COP1: variants seen among roughly 807,000 people sequenced by gnomAD.
COP1 encodes E3 ubiquitin-protein ligase COP1.
Under a neutral mutation model 101.3 loss-of-function variants are expected in COP1, and 24 were observed. The observed-to-expected ratio is 0.24, with a 90% CI of 0.17 to 0.33. The LOEUF (loss-of-function observed/expected upper bound fraction) is 0.33, where lower values mean the gene tolerates loss of function less well. Ranked by LOEUF, COP1 falls within the 10% of genes least tolerant of loss-of-function variation. COP1 has a pLI of 1.00. For missense variants in COP1, 663 were observed against 906.2 expected, an observed-to-expected ratio of 0.73 and a Z score of 3.45; for synonymous variants, 347 against 341.9, an observed-to-expected ratio of 1.01 and a Z score of -0.17.
In COP1 at chr1:176,135,099, T is replaced by G. The variant is rs1326488583; in HGVS notation, c.892-13A>C. 6.6e-7 allele frequency: 1 copy of G among 1,518,356 alleles called. No individual in the cohort carries two copies. Among genetic ancestry groups the G allele is most frequent in the Non-Finnish European group, 9.1e-7 (1 of 1,096,126 alleles). 94.1% of individuals were successfully genotyped at this position (1,518,356 alleles called of 1,614,324 possible). A position where few individuals can be genotyped will look rare whatever the true frequency, so the allele number is the denominator to read the frequency against. Reference sequence around the variant, plus strand: ...AGCCACTCATTTCCTGAAAATAAAATTATTTGAATTATAGTAGATATTTCA... The same window carrying G: ...AGCCACTCATTTCCTGAAAATAAAAGTATTTGAATTATAGTAGATATTTCA... On this transcript the variant is annotated splice_polypyrimidine_tract_variant and intron_variant, in intron 7 of 19. Coordinates refer to ENST00000367669, the MANE Select transcript of COP1 (RefSeq NM_022457.7).
At chr1:176,072,675 C>CTCTA (rs1677214517) in intron 11 of COP1, among the ~76,000 whole-genome samples, 1 of 152,156 alleles carries the variant, frequency 6.6e-6, no homozygotes, top group Non-Finnish European at 1.5e-5. Flanking sequence ...CTCACAAGCA[C>CTCTA]TCTACAATAA....
Position 176,048,510 on chromosome 1 carries a change from A to G in COP1, c.1278-2186T>C, listed in dbSNP as rs115873982. 4.5e-3 allele frequency among the ~76,000 whole-genome samples: 692 copies of G among 152,322 alleles called. 5 individuals carry two copies. The highest frequency in any genetic ancestry group is 0.015 in the African/African-American group (636 of 41,572). On this transcript the variant is annotated intron_variant, in intron 11 of 19. Coordinates refer to ENST00000367669, the MANE Select transcript of COP1 (RefSeq NM_022457.7). ...GCTGCCATGTGGATTTTAATGCACC[A>G]TAACTATAATGATGACAACTATTCA...
chr1:176,203,509 G>A (rs953778069), intron 1 of COP1, among the ~76,000 whole-genome samples: 8 of 152,084 alleles, frequency 5.3e-5, no homozygotes, highest in African/African-American at 1.9e-4. Flanking sequence ...AAAGGAGTCC[G>A]TATAAAAAAC....
chr1:175,997,302 A>G (rs1660414324), intron 15 of COP1, among the ~76,000 whole-genome samples: 2 of 152,228 alleles, frequency 1.3e-5, no homozygotes, highest in South Asian at 4.1e-4. Context: ...ACCCTAGAAG[A>G]AAACCTAGGC....
At chr1:176,094,930 CA>C (rs1364341417) in intron 9 of COP1, among the ~76,000 whole-genome samples, 1 of 152,046 alleles carries the variant, frequency 6.6e-6, no homozygotes, top group Non-Finnish European at 1.5e-5. Context: ...ATGAGATCTT[CA>C]AAAGACTAAT....
chr1:176,085,419 T>A (rs950209756), intron 10 of COP1, among the ~76,000 whole-genome samples: 1 of 152,210 alleles, frequency 6.6e-6, no homozygotes, highest in Non-Finnish European at 1.5e-5. Context: ...AGTTCTTTCA[T>A]CTTTTTATTC....
intron 18 of COP1, among the ~76,000 whole-genome samples, chr1:175,957,795 T>G (rs1650862595): frequency 6.6e-6 from 1 of 152,180 alleles, no homozygotes; most frequent in Non-Finnish European, 1.5e-5. Context: ...TATTAAAGAT[T>G]GGTGAATAGA....
rs1235140355 is a variant in COP1, at chr1:176,027,556, T to G, written c.1729+16A>C. ...AACCAACATCAAAGGAAGACAAATC[T>G]GCTTTCATTTCTTACCTGCACAGCC... On this transcript the variant is annotated intron_variant, in intron 15 of 19. Transcript: ENST00000367669. 2.1e-6 allele frequency: 3 copies of G among 1,451,890 alleles called. No homozygotes were observed. In the East Asian group the frequency reaches 6.8e-5, roughly 33 times the overall value. The allele number at this position is 1,451,890 out of a possible 1,614,324, so 89.9% of individuals were successfully genotyped here.
rs1248865863 is a variant in COP1, at chr1:176,135,104, T to G, written c.892-18A>C. ...CTCATTTCCTGAAAATAAAATTATTTGAATTATAGTAGATATTTCAAATAG... is the reference window on the plus strand; with the variant it reads ...CTCATTTCCTGAAAATAAAATTATTGGAATTATAGTAGATATTTCAAATAG... On this transcript the variant is annotated intron_variant, in intron 7 of 19. Coordinates refer to ENST00000367669, the MANE Select transcript of COP1 (RefSeq NM_022457.7). 6.7e-7 allele frequency: 1 copy of G among 1,483,876 alleles called. No homozygotes were observed. The highest frequency in any genetic ancestry group is 1.4e-5 in the African/African-American group (1 of 72,126). 91.9% of individuals were successfully genotyped at this position (1,483,876 alleles called of 1,614,324 possible). A position where few individuals can be genotyped will look rare whatever the true frequency, so the allele number is the denominator to read the frequency against.
intron 14 of COP1, among the ~76,000 whole-genome samples, chr1:176,033,389 T>A (rs2149106964): frequency 1.3e-5 from 2 of 152,226 alleles, no homozygotes; most frequent in Middle Eastern, 3.4e-3. Context: ...ATCGTGCCAT[T>A]GCACTCCAGC....
chr1:176,069,518 G>A (rs575265756), intron 11 of COP1, among the ~76,000 whole-genome samples: 16 of 152,200 alleles, frequency 1.1e-4, no homozygotes, highest in African/African-American at 3.9e-4. Flanking sequence ...AGGTATATCA[G>A]GTAAACAGGA....
chr1:176,143,824 A>G (rs991347769), intron 6 of COP1, among the ~76,000 whole-genome samples: 10 of 152,284 alleles, frequency 6.6e-5, no homozygotes, highest in South Asian at 2.1e-4. Context: ...AACCAAAGTA[A>G]TTATTCACAT....
At chr1:176,007,988 T>C (rs539078903) in intron 15 of COP1, among the ~76,000 whole-genome samples, 1 of 152,158 alleles carries the variant, frequency 6.6e-6, no homozygotes, top group South Asian at 2.1e-4. Flanking sequence ...CTGCTAGCAA[T>C]CAGGGAGACT....
chr1:176,176,317 G>T (rs182317585), intron 2 of COP1, among the ~76,000 whole-genome samples: 1 of 152,220 alleles, frequency 6.6e-6, no homozygotes, highest in East Asian at 1.9e-4. Context: ...AAAAGCTAAT[G>T]CCTACAGCTC....
intron 15 of COP1, among the ~76,000 whole-genome samples, chr1:176,007,051 T>G (rs566750779): frequency 1.3e-5 from 2 of 152,144 alleles, no homozygotes; most frequent in Non-Finnish European, 1.5e-5. Flanking sequence ...CTCATTTCTT[T>G]TTATTCTTTT....
At chr1:176,138,351 G>A (rs2149753365) in intron 6 of COP1, among the ~76,000 whole-genome samples, 1 of 152,134 alleles carries the variant, frequency 6.6e-6, no homozygotes, top group South Asian at 2.1e-4. Flanking sequence ...AATCAAGAAG[G>A]GCAAAGTCGC....
In COP1 at chr1:175,984,557, T is replaced by A. The variant is rs1320699676; in HGVS notation, c.2133+2386A>T. ...GGGAGCCCTCACACAGAGTCCCTAC[T>A]GGGGCACCACCTATGGGGCTGTGAG... On this transcript the variant is annotated intron_variant, in intron 18 of 19. Transcript: ENST00000367669. 3.3e-5 allele frequency among the ~76,000 whole-genome samples: 5 copies of A among 152,140 alleles called. No homozygotes were observed. In the East Asian group the frequency reaches 7.7e-4, roughly 24 times the overall value.
intron 1 of COP1, among the ~76,000 whole-genome samples, chr1:176,194,776 A>T (rs916590107): frequency 6.6e-6 from 1 of 152,074 alleles, no homozygotes; most frequent in East Asian, 1.9e-4. Context: ...CCATGTAAAC[A>T]CTTATGAAAA....
chr1:176,165,633 C>A (rs561771132), intron 3 of COP1, among the ~76,000 whole-genome samples: 6 of 151,912 alleles, frequency 3.9e-5, no homozygotes, highest in African/African-American at 9.7e-5. Flanking sequence ...AGGTAGTGAG[C>A]CAAGATCGTG....
Sources: gnomAD v4.1 joint callset for allele counts (sites outside exome capture counted in the v4.1 genomes callset) on GRCh38, gnomAD v4.1.1 for gene constraint, MANE v1.5 for transcripts, NCBI Gene and HGNC (gene_info 2026-07-23, HGNC 2026-07-21) for gene names.